Variants in RGS6 observed in about 807,000 individuals in gnomAD.
RGS6 encodes regulator of G protein signaling 6, also known as regulator of G-protein signaling 6.
RGS6 carries 30 observed loss-of-function variants against 78.5 expected under a neutral mutation model. The observed-to-expected ratio is 0.38, with a 90% CI of 0.29 to 0.52. The LOEUF (loss-of-function observed/expected upper bound fraction) is 0.52, where lower values mean the gene tolerates loss of function less well. RGS6 is among the 20% of genes least tolerant of loss of function. The pLI is 0.85. For synonymous variants in RGS6, 206 were observed against 206.0 expected (o/e 1.00, Z 0.00); for missense variants, 495 against 609.7 (o/e 0.81, Z 1.98).
chr14:72,432,593 G>A (rs2094697071), intron 3 of RGS6, among the ~76,000 whole-genome samples: 1 of 152,182 alleles, frequency 6.6e-6, no homozygotes, highest in African/African-American at 2.4e-5. Context: ...TCTTAGAACA[G>A]TAACCTCATA....
At chr14:72,269,619 C>T (rs185472699) in intron 2 of RGS6, among the ~76,000 whole-genome samples, 4 of 131,378 alleles carry the variant, frequency 3.0e-5, no homozygotes, top group Non-Finnish European at 6.1e-5. Context: ...CTCTGGAGTG[C>T]AGTGGCACAG....
intron 3 of RGS6, among the ~76,000 whole-genome samples, chr14:72,404,634 C>G (rs1321916251): frequency 2.6e-5 from 4 of 152,224 alleles, no homozygotes; most frequent in African/African-American, 9.6e-5. Flanking sequence ...AAGATTTCAA[C>G]TGATGAACCA....
At chr14:72,578,800 G>C in the RGS6 span, among the ~76,000 whole-genome samples, 8 of 152,224 alleles carry the variant, frequency 5.3e-5, no homozygotes, top group Non-Finnish European at 1.5e-5. Context: ...TTGAGCTAAG[G>C]CTTAATGGGT....
chr14:72,268,964 C>T (rs2059495836), intron 2 of RGS6, among the ~76,000 whole-genome samples: 1 of 152,224 alleles, frequency 6.6e-6, no homozygotes, highest in Non-Finnish European at 1.5e-5. Flanking sequence ...TGATCTCTCT[C>T]TTTCTTCCGC....
At position 71,937,750 on chromosome 14, in the gene RGS6, A is replaced by G. The variant is rs375734943; in HGVS notation, c.-21+4809A>G. On this transcript the variant is annotated intron_variant, in intron 1 of 17. Transcript: ENST00000553525. ...CACAGATGGTAGTCTTGGCAGAAGC[A>G]TTGTGTGCAGGATAGGCAAACCCAT... Among the ~76,000 whole-genome samples the G allele has an allele frequency of 1.6e-4, 24 of 152,220 alleles. 1 individual carries two copies. The East Asian group carries it at 2.3e-3, about 15-fold the overall frequency.
intron 2 of RGS6, among the ~76,000 whole-genome samples, chr14:72,331,948 C>G (rs531676081): frequency 6.6e-6 from 1 of 152,342 alleles, no homozygotes; most frequent in African/African-American, 2.4e-5. Flanking sequence ...TGTTGCATTC[C>G]TCAGCCCTGC....
Position 72,110,985 on chromosome 14 carries a change from T to G in RGS6, c.84+146110T>G, listed in dbSNP as rs10483840. 7.2e-3 allele frequency among the ~76,000 whole-genome samples: 1,102 copies of G among 152,304 alleles called. 38 individuals are homozygous for G. The highest frequency in any genetic ancestry group is 0.063 in the Admixed American group (964 of 15,296). On this transcript the variant is annotated intron_variant, in intron 2 of 17. Transcript: ENST00000553525. Reference sequence around the variant, plus strand: ...AACTCAGGCCCTAAAACTCTTCTTTTGTGAGGTTACTTTCCAGTCTTTAAC... The same window carrying G: ...AACTCAGGCCCTAAAACTCTTCTTTGGTGAGGTTACTTTCCAGTCTTTAAC...
intron 3 of RGS6, among the ~76,000 whole-genome samples, chr14:72,386,603 A>T (rs1353718465): frequency 6.6e-6 from 1 of 152,138 alleles, no homozygotes; most frequent in Non-Finnish European, 1.5e-5. Context: ...TACACAAATG[A>T]GTCTGTGAGC....
At chr14:71,981,200 G>A (rs1280398042) in intron 2 of RGS6, among the ~76,000 whole-genome samples, 17 of 150,436 alleles carry the variant, frequency 1.1e-4, no homozygotes, top group Non-Finnish European at 2.1e-4. Flanking sequence ...CTTTGCCTTT[G>A]GTTTGAATGT....
rs1349599225 is a variant in RGS6 at position 72,564,088 on chromosome 14, G to C, written c.*1621G>C. ...CATCTTTCCACCCCACCACCTCCAAGTCCTGTCTATGTCTGCTTCCACACA... is the reference window on the plus strand; with the variant it reads ...CATCTTTCCACCCCACCACCTCCAACTCCTGTCTATGTCTGCTTCCACACA... On this transcript the variant is annotated 3_prime_UTR_variant, in exon 18 of 18. Coordinates refer to ENST00000553525, the MANE Select transcript of RGS6 (RefSeq NM_001204424.2). The C allele has an allele frequency of 6.6e-6, 1 of 152,242 alleles. No homozygotes were observed. The highest frequency in any genetic ancestry group is 1.5e-5 in the Non-Finnish European group (1 of 68,070). The allele number at this position is 152,242 out of a possible 1,614,324, so 9.4% of individuals were successfully genotyped here. A position where few individuals can be genotyped will look rare whatever the true frequency, so the allele number is the denominator to read the frequency against.
the RGS6 span, among the ~76,000 whole-genome samples, chr14:71,904,601 A>G: frequency 6.6e-6 from 1 of 152,254 alleles, no homozygotes; most frequent in Non-Finnish European, 1.5e-5. Flanking sequence ...GACCAGCTCT[A>G]CTGCTATACT....
At chr14:72,065,196 G>C (rs539071792) in intron 2 of RGS6, among the ~76,000 whole-genome samples, 1 of 152,262 alleles carries the variant, frequency 6.6e-6, no homozygotes, top group African/African-American at 2.4e-5. Flanking sequence ...TCAGCATCTA[G>C]CATTGGCTTC....
intron 2 of RGS6, among the ~76,000 whole-genome samples, chr14:72,269,188 T>G (rs1285405251): frequency 6.7e-6 from 1 of 148,320 alleles, no homozygotes; most frequent in Non-Finnish European, 1.5e-5. Context: ...CCTGGAGCAC[T>G]GTGATACCCT....
chr14:72,171,213 C>T (rs536261011), intron 2 of RGS6, among the ~76,000 whole-genome samples: 11 of 152,194 alleles, frequency 7.2e-5, no homozygotes, highest in South Asian at 4.1e-4. Context: ...TGCATGCATG[C>T]GTACATATGC....
At chr14:72,370,282 G>T (rs377650340) in intron 3 of RGS6, among the ~76,000 whole-genome samples, 22 of 152,230 alleles carry the variant, frequency 1.4e-4, no homozygotes, top group African/African-American at 5.3e-4. Flanking sequence ...TTGCCCTGGG[G>T]ACATTTGGTA....
chr14:72,233,176 G>C (rs1352964128), intron 2 of RGS6, among the ~76,000 whole-genome samples: 1 of 152,220 alleles, frequency 6.6e-6, no homozygotes, highest in Non-Finnish European at 1.5e-5. Context: ...GGCCCAAAGT[G>C]CTCTGATTCT....
chr14:72,106,238 C>A (rs1475411881), intron 2 of RGS6, among the ~76,000 whole-genome samples: 1 of 152,156 alleles, frequency 6.6e-6, no homozygotes, highest in Non-Finnish European at 1.5e-5. Context: ...AGAAATTAAA[C>A]ACAGACTCAA....
rs1049920293 is a variant in RGS6 at position 72,229,082 on chromosome 14, T to C, written c.85-123013T>C. Among the ~76,000 whole-genome samples, 98 of 152,190 alleles carry C rather than the reference T, an allele frequency of 6.4e-4. 1 individual carries two copies. The highest frequency in any genetic ancestry group is 3.4e-3 in the Middle Eastern group (1 of 292). ...CTGTCTTCCCTTCCTTGTGAAATCA[T>C]TGTAGATACATTTGGGAAAACAACA... On this transcript the variant is annotated intron_variant, in intron 2 of 17. Transcript: ENST00000553525.
intron 3 of RGS6, among the ~76,000 whole-genome samples, chr14:72,420,674 G>A (rs1414189519): frequency 1.3e-5 from 2 of 152,030 alleles, no homozygotes; most frequent in African/African-American, 4.8e-5. Context: ...TTAAACTCAT[G>A]AAAAACCTTC....
Sources: gnomAD v4.1 joint callset for allele counts (sites outside exome capture counted in the v4.1 genomes callset) on GRCh38, gnomAD v4.1.1 for gene constraint, MANE v1.5 for transcripts, NCBI Gene and HGNC (gene_info 2026-07-23, HGNC 2026-07-21) for gene names.